The following PLXNA4 variants were observed in gnomAD, a reference collection of about 807,000 sequenced individuals.
PLXNA4 encodes plexin-A4.
PLXNA4 carries 44 observed loss-of-function variants against 191.8 expected under a neutral mutation model. That is an observed-to-expected ratio of 0.23 (90% CI 0.18 to 0.29). The LOEUF is 0.29. Ranked by LOEUF, PLXNA4 falls within the 10% of genes least tolerant of loss-of-function variation. PLXNA4 has a pLI of 1.00. For missense variants in PLXNA4, 1,800 were observed against 2,488.8 expected, an observed-to-expected ratio of 0.72 and a Z score of 5.89; for synonymous variants, 1,082 against 1,009.5, an observed-to-expected ratio of 1.07 and a Z score of -1.36.
chr7:132,619,736 A>G (rs1283971705), intron 2 of PLXNA4, among the ~76,000 whole-genome samples: 1 of 152,262 alleles, frequency 6.6e-6, no homozygotes, highest in African/African-American at 2.4e-5. Context: ...CCTCACTCCA[A>G]CTATCAGACT....
At chr7:132,271,615 T>C (rs989479942) in intron 4 of PLXNA4, among the ~76,000 whole-genome samples, 1 of 152,140 alleles carries the variant, frequency 6.6e-6, no homozygotes, top group Non-Finnish European at 1.5e-5. Flanking sequence ...ATGTTGAATT[T>C]CTGATAATCA....
chr7:132,272,612 A>C (rs1381218467), intron 4 of PLXNA4, among the ~76,000 whole-genome samples: 1 of 152,216 alleles, frequency 6.6e-6, no homozygotes, highest in Non-Finnish European at 1.5e-5. Flanking sequence ...GGGTTCTTTT[A>C]GTATGATACT....
chr7:132,562,985 TCTC>T (rs372238259), intron 1 of PLXNA4, among the ~76,000 whole-genome samples: 380 of 7,576 alleles, frequency 0.05, 11 homozygotes, highest in Middle Eastern at 0.5. Flanking sequence ...TCCTCCTCCT[TCTC>T]CTCCTCCTCC....
At chr7:132,276,325 C>T (rs1396234287) in intron 4 of PLXNA4, among the ~76,000 whole-genome samples, 1 of 152,192 alleles carries the variant, frequency 6.6e-6, no homozygotes, top group African/African-American at 2.4e-5. Flanking sequence ...AGCTCTCTGT[C>T]TCCTCCTGCT....
chr7:132,632,763 G>C (rs1204407635), intron 2 of PLXNA4, among the ~76,000 whole-genome samples: 3 of 152,140 alleles, frequency 2.0e-5, no homozygotes, highest in Non-Finnish European at 4.4e-5. Context: ...ATAATCTCAG[G>C]ATAAAAGCAG....
chr7:132,403,768 G>A (rs1470279539), intron 3 of PLXNA4, among the ~76,000 whole-genome samples: 1 of 152,156 alleles, frequency 6.6e-6, no homozygotes, highest in Non-Finnish European at 1.5e-5. Context: ...AGAGAGCAGG[G>A]AAGAGGGCAT....
intron 14 of PLXNA4, among the ~76,000 whole-genome samples, chr7:132,188,994 GAGAGA>G (rs1796982371): frequency 1.5e-4 from 3 of 20,366 alleles, no homozygotes; most frequent in Non-Finnish European, 8.6e-5. Flanking sequence ...GAAAGGAAAG[GAGAGA>G]GAGAGAGAGA....
At chr7:132,228,634 A>G (rs1359855699) in intron 5 of PLXNA4, among the ~76,000 whole-genome samples, 165 bp from the exon 6 acceptor site, 1 of 152,142 alleles carries the variant, frequency 6.6e-6, no homozygotes, top group Admixed American at 6.5e-5. Context: ...CTCCTCCATC[A>G]TTCCCAAATT....
chr7:132,132,469 TCTGC>T (rs1158605460), intron 31 of PLXNA4, among the ~76,000 whole-genome samples: 1,076 of 40,828 alleles, frequency 0.026, 52 homozygotes, highest in African/African-American at 0.048. Context: ...TCTGTTCTGC[TCTGC>T]TCTGCTCTGC....
In PLXNA4 at chr7:132,456,726, G is replaced by A. The variant is rs542765739; in HGVS notation, c.1371+32566C>T. 2.6e-5 allele frequency among the ~76,000 whole-genome samples: 4 copies of A among 152,200 alleles called. No individual in the cohort carries two copies. In the South Asian group the frequency reaches 6.2e-4, roughly 24 times the overall value. On this transcript the variant is annotated intron_variant, in intron 3 of 31. Transcript: ENST00000321063. ...GGGGAGGGGAGGGGAGGAGGGCTGG[G>A]GAGGAGTTGACGAATCAATCAGAAA...
rs577798047 is a variant in PLXNA4, at chr7:132,637,473, C to T, written c.-87+8455G>A. Among the ~76,000 whole-genome samples the T allele has an allele frequency of 1.4e-4, 21 of 152,316 alleles. No individual in the cohort carries two copies. In the East Asian group the frequency reaches 3.9e-3, roughly 28 times the overall value. ...CACCCTGCACAGGTGGAAGGCCACA[C>T]GACGTTCTCAGTCACTGGAAGTGCT... On this transcript the variant is annotated intron_variant, in intron 2 of 4. Transcript: ENST00000378539.
chr7:132,479,874 T>A (rs1223211494), intron 3 of PLXNA4, among the ~76,000 whole-genome samples: 1 of 152,182 alleles, frequency 6.6e-6, no homozygotes, highest in Non-Finnish European at 1.5e-5. Flanking sequence ...CCCAGGCTGG[T>A]CTGAAATCCC....
At chr7:132,487,090 C>T (rs1476442094) in intron 3 of PLXNA4, among the ~76,000 whole-genome samples, 1 of 152,178 alleles carries the variant, frequency 6.6e-6, no homozygotes, top group African/African-American at 2.4e-5. Flanking sequence ...GAAACACCTT[C>T]CTTTTTCCAA....
chr7:132,162,973 C>T (rs943951448), intron 24 of PLXNA4, among the ~76,000 whole-genome samples: 26 of 152,138 alleles, frequency 1.7e-4, no homozygotes, highest in African/African-American at 6.0e-4. Flanking sequence ...CACTCCCTCC[C>T]AGTACTACAA....
intron 1 of PLXNA4, among the ~76,000 whole-genome samples, chr7:132,512,902 A>T (rs1798784790): frequency 6.6e-6 from 1 of 152,220 alleles, no homozygotes; most frequent in Admixed American, 6.5e-5. Flanking sequence ...CAAGTATTAG[A>T]AATTACATTC....
chr7:132,456,111 CTT>C (rs548680891), intron 3 of PLXNA4, among the ~76,000 whole-genome samples: 119 of 129,026 alleles, frequency 9.2e-4, no homozygotes, highest in African/African-American at 2.6e-3. Flanking sequence ...CTCCTCTGTT[CTT>C]TTTTTTTTTT....
At chr7:132,343,417 A>G (rs1421199397) in intron 3 of PLXNA4, among the ~76,000 whole-genome samples, 1 of 152,184 alleles carries the variant, frequency 6.6e-6, no homozygotes, top group East Asian at 1.9e-4. Context: ...CCCTCCCACA[A>G]GGTCCTGGCA....
chr7:132,620,068 C>T (rs112863359), intron 2 of PLXNA4, among the ~76,000 whole-genome samples: 5,275 of 152,278 alleles, frequency 0.035, 314 homozygotes, highest in African/African-American at 0.12. Flanking sequence ...TCCCAAAGTG[C>T]TGGGATTATA....
intron 3 of PLXNA4, among the ~76,000 whole-genome samples, chr7:132,365,360 T>TGCGTGC (rs1261971502): frequency 7.8e-6 from 1 of 128,742 alleles, no homozygotes; most frequent in Non-Finnish European, 1.7e-5. Context: ...TGTGTGTGTG[T>TGCGTGC]GCGTGCGCGC....
Sources: allele counts gnomAD v4.1 joint callset (sites outside exome capture counted in the v4.1 genomes callset), GRCh38; gene constraint gnomAD v4.1.1; transcripts MANE v1.5; gene names NCBI Gene and HGNC (gene_info 2026-07-23, HGNC 2026-07-21).